Variants in ADGB observed in about 807,000 individuals in gnomAD.
The protein encoded by ADGB is calpain-7-like protein.
Under a neutral mutation model 210.5 loss-of-function variants are expected in ADGB, and 172 were observed. The ratio of observed to expected loss-of-function variants is 0.82; its 90% confidence interval spans 0.72 to 0.93. The LOEUF is 0.93. ADGB is among the 40% of genes least tolerant of loss of function. The pLI is 0.00. For synonymous variants in ADGB, 658 were observed against 662.7 expected, an observed-to-expected ratio of 0.99 and a Z score of 0.11; for missense variants, 2,025 against 1,964.8, an observed-to-expected ratio of 1.03 and a Z score of -0.58.
Position 146,742,491 on chromosome 6 carries a change from A to C in ADGB, c.3177+1220A>C, listed in dbSNP as rs532278018. Among the ~76,000 whole-genome samples the C allele has an allele frequency of 3.3e-4, 50 of 152,264 alleles. No individual in the cohort carries two copies. The East Asian group carries it at 8.5e-3, about 26-fold the overall frequency. On this transcript the variant is annotated intron_variant, in intron 25 of 35. Transcript: ENST00000397944. ...TTTATAAGCAAATCTGATAAACATC[A>C]GTATTTTTGTGCAGTTATCTATATT...
At chr6:146,624,844 C>T (rs1780949902) in intron 1 of ADGB, among the ~76,000 whole-genome samples, 6 of 151,834 alleles carry the variant, frequency 4.0e-5, no homozygotes, top group Admixed American at 3.9e-4. Context: ...AGGTTAATTA[C>T]AGTGTGTTAT....
chr6:146,767,529 C>T (rs1043047020), intron 28 of ADGB, among the ~76,000 whole-genome samples: 3 of 152,110 alleles, frequency 2.0e-5, no homozygotes, highest in Non-Finnish European at 2.9e-5. Flanking sequence ...CAGGCAATGG[C>T]GTGATCTCAG....
intron 9 of ADGB, among the ~76,000 whole-genome samples, chr6:146,678,644 A>G (rs1776116057): frequency 6.6e-6 from 1 of 152,174 alleles, no homozygotes; most frequent in African/African-American, 2.4e-5. Context: ...CATATTTATG[A>G]CAACGGTCAT....
At chr6:146,599,527 C>G (rs913938150) in intron 1 of ADGB, among the ~76,000 whole-genome samples, 1 of 152,160 alleles carries the variant, frequency 6.6e-6, no homozygotes, top group African/African-American at 2.4e-5. Flanking sequence ...ACACATTTCA[C>G]CTTAATGGTG....
intron 4 of ADGB, among the ~76,000 whole-genome samples, chr6:146,656,091 A>C (rs990162811): frequency 6.6e-6 from 1 of 152,196 alleles, no homozygotes; most frequent in Non-Finnish European, 1.5e-5. Flanking sequence ...AAGAACTGCA[A>C]CTTAGAGAGG....
At chr6:146,622,537 C>T (rs970540558) in intron 1 of ADGB, among the ~76,000 whole-genome samples, 9 of 152,102 alleles carry the variant, frequency 5.9e-5, no homozygotes, top group African/African-American at 2.2e-4. Flanking sequence ...TTTAGATACT[C>T]TACATGCCAC....
Position 146,784,799 on chromosome 6 carries a change from C to T in ADGB, c.4212+5C>T. 12 of 1,539,078 alleles carry T rather than the reference C, an allele frequency of 7.8e-6. No homozygotes were observed. Among genetic ancestry groups the T allele is most frequent in the Non-Finnish European group, 1.1e-5 (12 of 1,142,478 alleles). Reference sequence around the variant, plus strand: ...GAGCCAGGAAGAGCAATCAAGGTCACCTGATTTCGAAAAGCTGTCATCTTT... The same window carrying T: ...GAGCCAGGAAGAGCAATCAAGGTCATCTGATTTCGAAAAGCTGTCATCTTT... On this transcript the variant is annotated splice_donor_5th_base_variant and intron_variant, in intron 31 of 35. Coordinates refer to ENST00000397944, the MANE Select transcript of ADGB (RefSeq NM_024694.4).
At chr6:146,665,423 A>G (rs1454138881) in intron 6 of ADGB, among the ~76,000 whole-genome samples, 1 of 152,094 alleles carries the variant, frequency 6.6e-6, no homozygotes, top group Admixed American at 6.6e-5. Context: ...ATAAAAACTC[A>G]GCCCAGATCT....
Position 146,598,997 on chromosome 6 carries a change from G to T in ADGB, c.-44G>T. 1 of 1,522,314 alleles carries T rather than the reference G, an allele frequency of 6.6e-7. No individual in the cohort carries two copies. The highest frequency in any genetic ancestry group is 8.9e-7 in the Non-Finnish European group (1 of 1,120,854). The allele number at this position is 1,522,314 out of a possible 1,614,324, so 94.3% of individuals were successfully genotyped here. ...AGACGCGGAGCCGAGCGCGCCCGCA[G>T]GCTCTTTGCTCAGAGCTCAGCCCTA... On this transcript the variant is annotated 5_prime_UTR_variant, in exon 1 of 36. The change creates a new upstream start codon in the 5' untranslated region. Coordinates refer to ENST00000397944, the MANE Select transcript of ADGB (RefSeq NM_024694.4).
chr6:146,736,640 A>G (rs1263181328), intron 23 of ADGB, 49 bp downstream of exon 23: 1 of 1,342,188 alleles, frequency 7.5e-7, no homozygotes, highest in African/African-American at 1.5e-5. Flanking sequence ...TCCTTTTGTC[A>G]AAGTCCAGTT....
intron 3 of ADGB, among the ~76,000 whole-genome samples, chr6:146,651,180 C>T (rs1049914553): frequency 1.3e-5 from 2 of 152,212 alleles, no homozygotes; most frequent in Non-Finnish European, 2.9e-5. Context: ...GGTATGGGGA[C>T]AACCAGCCAT....
chr6:146,700,820 T>A, intron 12 of ADGB, 121 bp from the exon 13 acceptor site: 2 of 1,169,090 alleles, frequency 1.7e-6, no homozygotes, highest in Non-Finnish European at 2.4e-6. Context: ...AGTAAAAGAA[T>A]GAGAATGACA....
intron 12 of ADGB, among the ~76,000 whole-genome samples, chr6:146,698,191 T>C (rs995175705): frequency 6.6e-6 from 1 of 152,216 alleles, no homozygotes; most frequent in Non-Finnish European, 1.5e-5. Context: ...TGTGTTTACT[T>C]TGTGATATTT....
intron 35 of ADGB, among the ~76,000 whole-genome samples, chr6:146,814,495 T>C (rs757386299): frequency 3.9e-5 from 6 of 152,158 alleles, no homozygotes; most frequent in Non-Finnish European, 7.3e-5. Context: ...CAACAAATGA[T>C]CCAGGATTTA....
intron 1 of ADGB, among the ~76,000 whole-genome samples, chr6:146,634,077 T>A (rs1781102528): frequency 6.6e-6 from 1 of 152,114 alleles, no homozygotes; most frequent in Admixed American, 6.6e-5. Context: ...GTGTTTTTAC[T>A]GTATTTTTCT....
intron 21 of ADGB, 86 bp from the exon 22 acceptor site, chr6:146,733,807 G>T: frequency 2.1e-6 from 3 of 1,400,030 alleles, no homozygotes; most frequent in Non-Finnish European, 3.0e-6. Context: ...TTTATATGTT[G>T]GAGGGCTTTG....
intron 13 of ADGB, among the ~76,000 whole-genome samples, chr6:146,710,004 C>T (rs930442876): frequency 1.6e-4 from 25 of 151,872 alleles, no homozygotes; most frequent in African/African-American, 5.8e-4. Flanking sequence ...GCTAAGAGCT[C>T]CTGAATATTG....
chr6:146,702,796 T>C (rs907948141), intron 13 of ADGB, among the ~76,000 whole-genome samples: 1 of 151,934 alleles, frequency 6.6e-6, no homozygotes, highest in African/African-American at 2.4e-5. Flanking sequence ...TCTTTTGCTA[T>C]TATAAATACT....
intron 24 of ADGB, 132 bp downstream of exon 24, chr6:146,740,725 T>G (rs1260757924): frequency 1.2e-6 from 1 of 835,820 alleles, no homozygotes; most frequent in Admixed American, 3.5e-5. Context: ...TCTTCCACAC[T>G]TGGCATTTTA....
Sources: gnomAD v4.1 joint callset for allele counts (sites outside exome capture counted in the v4.1 genomes callset) on GRCh38, gnomAD v4.1.1 for gene constraint, MANE v1.5 for transcripts, NCBI Gene and HGNC (gene_info 2026-07-23, HGNC 2026-07-21) for gene names.